Variants in GLIS3 observed in about 807,000 individuals in gnomAD.
GLIS3 encodes the protein GLIS family zinc finger 3, also known as zinc finger protein GLIS3.
GLIS3 carries 53 observed loss-of-function variants against 78.6 expected under a neutral mutation model. The ratio of observed to expected loss-of-function variants is 0.67; its 90% CI spans 0.54 to 0.85. The LOEUF (loss-of-function observed/expected upper bound fraction) is 0.85, where lower values mean the gene tolerates loss of function less well. GLIS3 is among the 40% of genes least tolerant of loss of function. The pLI, the probability that GLIS3 is intolerant of heterozygous loss-of-function variation, is 0.00. For missense variants in GLIS3, 1,703 were observed against 1,231.1 expected, an observed-to-expected ratio of 1.38 and a Z score of -5.74; for synonymous variants, 684 against 509.9, an observed-to-expected ratio of 1.34 and a Z score of -4.60.
At chr9:3,832,896 G>C (rs1039725070) in intron 9 of GLIS3, among the ~76,000 whole-genome samples, 1 of 152,166 alleles carries the variant, frequency 6.6e-6, no homozygotes, top group Non-Finnish European at 1.5e-5. Context: ...CGGGGACAAT[G>C]ATAGAGACTT....
chr9:4,425,504 A>G, the GLIS3 span, among the ~76,000 whole-genome samples: 40 of 152,126 alleles, frequency 2.6e-4, no homozygotes, highest in East Asian at 1.9e-4. Context: ...TGACAAAGAG[A>G]AGGAAATGAA....
At chr9:4,252,475 T>A (rs1824493757) in intron 2 of GLIS3, among the ~76,000 whole-genome samples, 1 of 152,248 alleles carries the variant, frequency 6.6e-6, no homozygotes, top group South Asian at 2.1e-4. Flanking sequence ...ATGTTCTCTC[T>A]AAACTTATTA....
intron 2 of GLIS3, among the ~76,000 whole-genome samples, chr9:4,192,627 T>G (rs1296392444): frequency 1.3e-5 from 2 of 152,168 alleles, no homozygotes; most frequent in East Asian, 3.8e-4. Context: ...GTCCATTCAT[T>G]CATGCATGCA....
At chr9:4,480,653 T>A in the GLIS3 span, among the ~76,000 whole-genome samples, 4 of 152,068 alleles carry the variant, frequency 2.6e-5, no homozygotes, top group East Asian at 7.7e-4. Flanking sequence ...ATCCTCAGCA[T>A]ACGAACGCCT....
intron 5 of GLIS3, 132 bp from the exon 6 acceptor site, chr9:3,932,602 C>T (rs1021923300): frequency 2.8e-6 from 2 of 703,664 alleles, no homozygotes; most frequent in Admixed American, 2.1e-5. Flanking sequence ...CTAGCTAATA[C>T]TCATGCATTT....
At chr9:4,214,796 C>T (rs1472607123) in intron 2 of GLIS3, among the ~76,000 whole-genome samples, 2 of 152,138 alleles carry the variant, frequency 1.3e-5, no homozygotes, top group African/African-American at 4.8e-5. Context: ...AATTGCGTAG[C>T]TGGGAAACAT....
intron 2 of GLIS3, among the ~76,000 whole-genome samples, chr9:4,243,935 C>T (rs1014823914): frequency 2.0e-5 from 3 of 152,190 alleles, no homozygotes; most frequent in African/African-American, 7.2e-5. Context: ...CATGACTATT[C>T]CACTTTTTTG....
intron 4 of GLIS3, among the ~76,000 whole-genome samples, chr9:4,020,394 T>C (rs1279638802): frequency 6.6e-6 from 1 of 152,212 alleles, no homozygotes; most frequent in African/African-American, 2.4e-5. Context: ...GGCAGAGATG[T>C]GGGTTGTCAA....
At chr9:4,488,716 C>G in the GLIS3 span, among the ~76,000 whole-genome samples, 1 of 151,790 alleles carries the variant, frequency 6.6e-6, no homozygotes, top group Non-Finnish European at 1.5e-5. Flanking sequence ...CGGGATTTCC[C>G]CATGTTGGCC....
the GLIS3 span, among the ~76,000 whole-genome samples, chr9:4,405,816 C>A: frequency 6.6e-6 from 1 of 150,980 alleles, no homozygotes; most frequent in South Asian, 2.1e-4. Flanking sequence ...TACAAAAATC[C>A]TCAACAAAAT....
chr9:4,120,598 G>A (rs969808247), intron 3 of GLIS3, among the ~76,000 whole-genome samples: 1 of 152,306 alleles, frequency 6.6e-6, no homozygotes, highest in South Asian at 2.1e-4. Flanking sequence ...CTCTTCCCCA[G>A]CAAGATCGAG....
intron 2 of GLIS3, among the ~76,000 whole-genome samples, chr9:4,213,402 T>C (rs1287428562): frequency 6.6e-6 from 1 of 152,166 alleles, no homozygotes; most frequent in African/African-American, 2.4e-5. Flanking sequence ...AATGGAAGTA[T>C]CCCCATGTTG....
intron 4 of GLIS3, among the ~76,000 whole-genome samples, chr9:3,947,508 C>G (rs933173804): frequency 6.6e-6 from 1 of 152,240 alleles, no homozygotes; most frequent in Non-Finnish European, 1.5e-5. Context: ...CACACTTTAA[C>G]ACTTGCACAC....
intron 2 of GLIS3, 72 bp from the exon 3 acceptor site, chr9:4,126,013 G>T: frequency 8.7e-7 from 1 of 1,152,754 alleles, no homozygotes; most frequent in Non-Finnish European, 1.3e-6. Context: ...ACATGTGCAC[G>T]CTTATATCAG....
At chr9:4,319,107 C>A (rs1485227587) in intron 2 of GLIS3, among the ~76,000 whole-genome samples, 2 of 151,986 alleles carry the variant, frequency 1.3e-5, no homozygotes, top group Non-Finnish European at 2.9e-5. Context: ...GTAAAGGAGA[C>A]AAAATATACA....
the GLIS3 span, among the ~76,000 whole-genome samples, chr9:4,434,949 A>G: frequency 6.6e-5 from 10 of 152,350 alleles, no homozygotes; most frequent in African/African-American, 2.4e-4. Context: ...TGGAGAATCA[A>G]GAGTTATACT....
rs141795393 is a variant in GLIS3 at position 4,204,681 on chromosome 9, G to A, written c.389-78740C>T. 2.4e-3 allele frequency among the ~76,000 whole-genome samples: 360 copies of A among 152,224 alleles called. 1 individual carries two copies. Among genetic ancestry groups the A allele is most frequent in the African/African-American group, 7.5e-3 (311 of 41,542 alleles). ...ACCTGTAATCCTAGCACTTTGGGAG[G>A]CCGAGGCGGGCAGACTGCCTGAGCT... is the stretch of plus-strand genomic sequence containing the variant. On this transcript the variant is annotated intron_variant, in intron 2 of 10. Transcript: ENST00000381971.
chr9:4,031,957 G>A (rs1486143373), intron 4 of GLIS3, among the ~76,000 whole-genome samples: 1 of 152,206 alleles, frequency 6.6e-6, no homozygotes, highest in Non-Finnish European at 1.5e-5. Context: ...AGACCTAGCA[G>A]ATAGCAAGAG....
At chr9:4,152,820 G>C (rs1424052621) in intron 2 of GLIS3, among the ~76,000 whole-genome samples, 3 of 152,078 alleles carry the variant, frequency 2.0e-5, no homozygotes, top group Non-Finnish European at 2.9e-5. Flanking sequence ...TCTTAAGAAT[G>C]GCATGTAATA....
Sources: gnomAD v4.1 joint callset for allele counts (sites outside exome capture counted in the v4.1 genomes callset) on GRCh38, gnomAD v4.1.1 for gene constraint, MANE v1.5 for transcripts, NCBI Gene and HGNC (gene_info 2026-07-23, HGNC 2026-07-21) for gene names.